Variants in CHMP1A observed in about 807,000 individuals in gnomAD.
CHMP1A encodes the protein charged multivesicular body protein 1A, also known as VPS46 homolog A.
A neutral mutation model predicts 27.0 loss-of-function variants in CHMP1A; 17 were observed. The ratio of observed to expected loss-of-function variants is 0.63; its 90% confidence interval spans 0.43 to 0.95. CHMP1A has a LOEUF of 0.95. CHMP1A is among the 40% of genes least tolerant of loss of function. The pLI, the probability that CHMP1A is intolerant of heterozygous loss-of-function variation, is 0.00. For missense variants in CHMP1A, 275 were observed against 264.0 expected (o/e 1.04, Z -0.29); for synonymous variants, 131 against 107.5 (o/e 1.22, Z -1.35).
chr16:89,650,446 G>A (rs1568002500), intron 3 of CHMP1A, among the ~76,000 whole-genome samples: 1 of 152,170 alleles, frequency 6.6e-6, no homozygotes, highest in African/African-American at 2.4e-5. Context: ...ATGGGGCAGG[G>A]GCATCATGAC....
chr16:89,655,319 C>T (rs911715918), intron 1 of CHMP1A, among the ~76,000 whole-genome samples: 3 of 152,160 alleles, frequency 2.0e-5, no homozygotes, highest in Non-Finnish European at 4.4e-5. Context: ...GGCGGGCCGT[C>T]CCACCCAACT....
intron 2 of CHMP1A, among the ~76,000 whole-genome samples, chr16:89,653,623 A>G (rs1189694235): frequency 0.011 from 9 of 790 alleles, no homozygotes; most frequent in African/African-American, 0.013. Context: ...ACGCCGTCTC[A>G]AAAAAAAAAA....
Position 89,645,784 on chromosome 16 carries a change from GA to G in CHMP1A, c.*281del. 3.5e-6 allele frequency: 3 copies of G among 845,494 alleles called. No homozygotes were observed. In the Admixed American group the frequency reaches 9.3e-5, roughly 26 times the overall value. 52.4% of individuals were successfully genotyped at this position (845,494 alleles called of 1,614,324 possible). A position where few individuals can be genotyped will look rare whatever the true frequency, so the allele number is the denominator to read the frequency against. The stretch of plus-strand genomic sequence containing the variant: ...TCTGAAGGCCCCCACAGTGCTGGGT[GA>G]AAGTCCACAGGGCCCCTCTTGGCCT... On this transcript the variant is annotated 3_prime_UTR_variant, in exon 7 of 7. Coordinates refer to ENST00000397901, the MANE Select transcript of CHMP1A (RefSeq NM_002768.5).
chr16:89,650,568 G>A (rs1409472018), intron 3 of CHMP1A, among the ~76,000 whole-genome samples: 3 of 152,228 alleles, frequency 2.0e-5, no homozygotes, highest in African/African-American at 7.2e-5. Flanking sequence ...CACTCTGGGA[G>A]GCTGAGGCAG....
intron 2 of CHMP1A, among the ~76,000 whole-genome samples, chr16:89,653,238 G>A (rs955328883): frequency 6.7e-6 from 1 of 149,558 alleles, no homozygotes; most frequent in Admixed American, 6.6e-5. Flanking sequence ...TCCATCTCCT[G>A]ACCTTGTGAT....
intron 2 of CHMP1A, among the ~76,000 whole-genome samples, 192 bp from the exon 3 acceptor site, chr16:89,651,838 G>A (rs906528767): frequency 2.0e-5 from 3 of 152,234 alleles, no homozygotes; most frequent in African/African-American, 7.2e-5. Context: ...GGCGAGAGAT[G>A]GCACCAGCTG....
Position 89,646,561 on chromosome 16 carries a change from A to C in CHMP1A, c.535T>G (p.Ser179Ala). 1 of 1,594,038 alleles carries C rather than the reference A, an allele frequency of 6.3e-7. No homozygotes were observed. Among genetic ancestry groups the C allele is most frequent in the Non-Finnish European group, 8.5e-7 (1 of 1,171,686 alleles). Residue 179 changes from serine (S) to alanine (A), a missense_variant, in exon 6 of 7, where the codon TCT becomes GCT. By Grantham distance (99) the Ser-to-Ala change is moderately conservative. Coordinates refer to ENST00000397901, the MANE Select transcript of CHMP1A (RefSeq NM_002768.5). ...AGCTGGTCCTCCTGGCTGCGCACAG[A>C]GCTCTCGCCCACGGCAGAGGCGCCC... The part of the protein sequence containing the change: ...PEGASAVGES[S>A]VRSQEDQLSR...
At position 89,656,097 on chromosome 16, in the gene CHMP1A, T is replaced by C. The variant is rs556573914; in HGVS notation, c.7+1485A>G. ...AGAAAATCTCTACACATTTCCTTCA[T>C]GATGATGACACGGTGGTACTATAGC... On this transcript the variant is annotated intron_variant, in intron 1 of 6. Transcript: ENST00000397901. Among the ~76,000 whole-genome samples, 6 of 152,322 alleles carry C rather than the reference T, an allele frequency of 3.9e-5. No individual in the cohort carries two copies. In the East Asian group the frequency reaches 1.2e-3, roughly 29 times the overall value.
intron 4 of CHMP1A, among the ~76,000 whole-genome samples, chr16:89,648,616 G>C (rs1420904537): frequency 6.6e-6 from 1 of 152,194 alleles, no homozygotes; most frequent in Non-Finnish European, 1.5e-5. Context: ...TACAGTGACA[G>C]TGAGTGGTTC....
At chr16:89,646,483 A>G in intron 6 of CHMP1A, 44 bp downstream of exon 6, 1 of 1,510,322 alleles carries the variant, frequency 6.6e-7, no homozygotes, top group Non-Finnish European at 9.0e-7. Context: ...CCACAGCACC[A>G]GAGCGTGGGG....
intron 5 of CHMP1A, 47 bp from the exon 6 acceptor site, chr16:89,646,761 G>T: frequency 1.9e-6 from 3 of 1,577,696 alleles, no homozygotes; most frequent in Admixed American, 3.6e-5. Flanking sequence ...CCAGGCCCAT[G>T]GGGCCCCACT....
intron 2 of CHMP1A, among the ~76,000 whole-genome samples, 158 bp downstream of exon 2, chr16:89,653,746 C>T (rs2059842977): frequency 6.6e-6 from 1 of 151,630 alleles, no homozygotes; most frequent in Admixed American, 6.6e-5. Flanking sequence ...CAAGGTGGCT[C>T]AATAATCCCC....
intron 4 of CHMP1A, among the ~76,000 whole-genome samples, chr16:89,648,864 A>G (rs1166602825): frequency 8.8e-6 from 1 of 114,198 alleles, no homozygotes; most frequent in African/African-American, 3.2e-5. Flanking sequence ...TCTCTACTTA[A>G]AAATGAAAAG....
At chr16:89,646,374 G>T (rs1157587802) in intron 6 of CHMP1A, among the ~76,000 whole-genome samples, 153 bp downstream of exon 6, 1 of 152,326 alleles carries the variant, frequency 6.6e-6, no homozygotes, top group South Asian at 2.1e-4. Flanking sequence ...GCTTGGGGGC[G>T]GCTGCAGCTG....
chr16:89,651,779 C>T, intron 2 of CHMP1A, 133 bp from the exon 3 acceptor site: 1 of 818,166 alleles, frequency 1.2e-6, no homozygotes, highest in Non-Finnish European at 1.9e-6. Flanking sequence ...CAGCCTGGGC[C>T]CAGCACACCG....
intron 1 of CHMP1A, among the ~76,000 whole-genome samples, chr16:89,656,037 G>A (rs1257078489): frequency 6.6e-6 from 1 of 152,094 alleles, no homozygotes; most frequent in Non-Finnish European, 1.5e-5. Context: ...TTTTGTGGCG[G>A]GAGGTAGATG....
chr16:89,657,551 G>A (rs547484331), intron 1 of CHMP1A, 31 bp downstream of exon 1: 10 of 1,609,618 alleles, frequency 6.2e-6, no homozygotes, highest in South Asian at 3.3e-5. Flanking sequence ...CCCCGCGCGC[G>A]AGTCCCCGGA....
At position 89,646,070 on chromosome 16, in the gene CHMP1A, T is replaced by C. The variant is rs773045170; in HGVS notation, c.587A>G (p.Asn196Ser). The C allele has an allele frequency of 6.4e-7, 1 of 1,555,048 alleles. No homozygotes were observed. ...QLSRRLAALR[N>S] ...GTGCACACCGGCGGGGCACGGCTAG[T>C]TCCTCAAGGCGGCCAACCTGGAAAC... The change falls in exon 7 of 7, where the codon AAC becomes AGC. Residue 196 changes from asparagine (N) to serine (S), a missense_variant. Transcript: ENST00000397901.
chr16:89,651,702 C>T (rs1006872139), intron 2 of CHMP1A, 56 bp from the exon 3 acceptor site: 17 of 1,550,104 alleles, frequency 1.1e-5, no homozygotes, highest in Admixed American at 8.7e-5. Context: ...CCCCCAGGCC[C>T]GGCTCTCCAC....
Sources: gnomAD v4.1 joint callset for allele counts (sites outside exome capture counted in the v4.1 genomes callset) on GRCh38, gnomAD v4.1.1 for gene constraint, MANE v1.5 for transcripts, NCBI Gene and HGNC (gene_info 2026-07-23, HGNC 2026-07-21) for gene names.